Variants in MAML3 observed in about 807,000 individuals in gnomAD.
MAML3 encodes mastermind-like protein 3.
MAML3 carries 27 observed loss-of-function variants against 101.9 expected under a neutral mutation model. The observed-to-expected ratio is 0.27, with a 90% CI of 0.20 to 0.37. The LOEUF (loss-of-function observed/expected upper bound fraction) is 0.37, where lower values mean the gene tolerates loss of function less well. MAML3 is among the 10% of genes least tolerant of loss of function. The probability of loss-of-function intolerance (pLI) is 1.00; values close to 1 mark genes in which losing one functional copy is unlikely to be tolerated. For missense variants in MAML3, 1,316 were observed against 1,444.9 expected (o/e 0.91, Z 1.45); for synonymous variants, 501 against 555.9 (o/e 0.90, Z 1.39).
At chr4:140,136,731 G>C (rs576233521) in intron 1 of MAML3, among the ~76,000 whole-genome samples, 1 of 152,276 alleles carries the variant, frequency 6.6e-6, no homozygotes, top group South Asian at 2.1e-4. Flanking sequence ...CACGTTTCTT[G>C]AAGGTCACTT....
intron 1 of MAML3, among the ~76,000 whole-genome samples, chr4:140,144,472 T>C (rs1441346246): frequency 1.4e-5 from 2 of 143,140 alleles, no homozygotes; most frequent in Non-Finnish European, 3.0e-5. Context: ...TGCTTGAACC[T>C]GGGAGGTGGA....
intron 2 of MAML3, among the ~76,000 whole-genome samples, chr4:139,786,908 T>G (rs1730313134): frequency 6.6e-6 from 1 of 152,242 alleles, no homozygotes; most frequent in Admixed American, 6.5e-5. Context: ...CCACCCCTGC[T>G]TATTCCACCC....
intron 2 of MAML3, among the ~76,000 whole-genome samples, chr4:139,845,997 C>CA (rs1357901745): frequency 1.3e-5 from 2 of 152,086 alleles, no homozygotes; most frequent in African/African-American, 4.8e-5. Flanking sequence ...TCTATATAAA[C>CA]AGAGAACTCA....
intron 1 of MAML3, among the ~76,000 whole-genome samples, chr4:139,904,302 C>T: frequency 6.6e-6 from 1 of 152,304 alleles, no homozygotes; most frequent in East Asian, 1.9e-4. Flanking sequence ...CTCTCAGTGT[C>T]TTAGATGGGT....
At chr4:140,094,992 G>A (rs1728132299) in intron 1 of MAML3, among the ~76,000 whole-genome samples, 1 of 152,186 alleles carries the variant, frequency 6.6e-6, no homozygotes, top group East Asian at 1.9e-4. Flanking sequence ...GCAAAACCCA[G>A]GCCAATCAGC....
At chr4:139,751,209 T>C (rs1159446204) in intron 2 of MAML3, among the ~76,000 whole-genome samples, 10 of 152,182 alleles carry the variant, frequency 6.6e-5, no homozygotes, top group Admixed American at 5.9e-4. Flanking sequence ...TGGGTTTAGA[T>C]TTTCTAGGAG....
At chr4:140,100,612 C>G (rs1728238506) in intron 1 of MAML3, among the ~76,000 whole-genome samples, 1 of 151,318 alleles carries the variant, frequency 6.6e-6, no homozygotes, top group Non-Finnish European at 1.5e-5. Flanking sequence ...TCTGGCAAAA[C>G]TAAGATGCAC....
At position 140,005,267 on chromosome 4, in the gene MAML3, A is replaced by C. The variant is rs1726425850; in HGVS notation, c.469-114300T>G. Among the ~76,000 whole-genome samples, 2 of 152,236 alleles carry C rather than the reference A, an allele frequency of 1.3e-5. 1 individual carries two copies. Among genetic ancestry groups the C allele is most frequent in the Non-Finnish European group, 2.9e-5 (2 of 68,040 alleles). ...GAGATTCCTAATCCTCCTTGGCAGA[A>C]AGAGAAATGTGAATTTGACAAATAA... On this transcript the variant is annotated intron_variant, in intron 1 of 4. Transcript: ENST00000509479.
intron 1 of MAML3, among the ~76,000 whole-genome samples, chr4:140,122,600 G>A (rs1269105684): frequency 2.6e-5 from 4 of 151,426 alleles, no homozygotes; most frequent in East Asian, 1.9e-4. Flanking sequence ...AGACCATCCC[G>A]GCTAAAACGG....
chr4:140,067,199 G>GT (rs1727553303), intron 1 of MAML3, among the ~76,000 whole-genome samples: 1 of 100,570 alleles, frequency 9.9e-6, no homozygotes, highest in South Asian at 3.8e-4. Flanking sequence ...CAAATTTTAG[G>GT]GGTGTGTGTG....
At chr4:140,026,981 C>A (rs1228217650) in intron 1 of MAML3, among the ~76,000 whole-genome samples, 1 of 151,904 alleles carries the variant, frequency 6.6e-6, no homozygotes, top group East Asian at 1.9e-4. Context: ...TAGTACTGAT[C>A]CTTAGATCAT....
chr4:139,938,304 C>A (rs575527329), intron 1 of MAML3, among the ~76,000 whole-genome samples: 1 of 152,260 alleles, frequency 6.6e-6, no homozygotes, highest in East Asian at 1.9e-4. Context: ...TCGGGGAGAC[C>A]CTACCGACCA....
intron 2 of MAML3, among the ~76,000 whole-genome samples, chr4:139,824,677 A>C (rs1305105953): frequency 6.6e-6 from 1 of 152,224 alleles, no homozygotes; most frequent in Non-Finnish European, 1.5e-5. Context: ...TGTAAGTATC[A>C]AGCAAGACTG....
intron 1 of MAML3, among the ~76,000 whole-genome samples, chr4:140,024,126 C>T (rs868006861): frequency 3.3e-5 from 5 of 151,174 alleles, no homozygotes; most frequent in Non-Finnish European, 4.4e-5. Flanking sequence ...TATTATTATC[C>T]AATTTTCAAG....
intron 1 of MAML3, among the ~76,000 whole-genome samples, chr4:139,896,219 C>G (rs1168429328): frequency 6.6e-6 from 1 of 152,128 alleles, no homozygotes; most frequent in Non-Finnish European, 1.5e-5. Context: ...TGGCTGCGCA[C>G]AGGGAAATGT....
chr4:139,871,137 T>C (rs1731999675), intron 2 of MAML3, among the ~76,000 whole-genome samples: 1 of 152,208 alleles, frequency 6.6e-6, no homozygotes, highest in South Asian at 2.1e-4. Flanking sequence ...ATCTCCAGAC[T>C]TGATGCTAGA....
intron 2 of MAML3, among the ~76,000 whole-genome samples, chr4:139,879,628 G>A (rs1732180744): frequency 6.8e-6 from 1 of 146,956 alleles, no homozygotes; most frequent in Non-Finnish European, 1.5e-5. Context: ...TAGTGGTTGG[G>A]AGATGTGGGC....
At chr4:139,876,124 G>T (rs1732111027) in intron 2 of MAML3, among the ~76,000 whole-genome samples, 1 of 150,930 alleles carries the variant, frequency 6.6e-6, no homozygotes, top group African/African-American at 2.4e-5. Context: ...TCAAACACTT[G>T]GTATGAAAAA....
chr4:139,981,953 G>A (rs1481022827), intron 1 of MAML3, among the ~76,000 whole-genome samples: 1 of 152,184 alleles, frequency 6.6e-6, no homozygotes, highest in African/African-American at 2.4e-5. Context: ...TCATCTGGCT[G>A]AGGGAGTATT....
Sources: gnomAD v4.1 joint callset for allele counts (sites outside exome capture counted in the v4.1 genomes callset) on GRCh38, gnomAD v4.1.1 for gene constraint, MANE v1.5 for transcripts, NCBI Gene and HGNC (gene_info 2026-07-23, HGNC 2026-07-21) for gene names.